The following PCDH15 variants were observed in gnomAD, a reference collection of about 807,000 sequenced individuals.
The protein encoded by PCDH15 is protocadherin-15.
PCDH15 carries 129 observed loss-of-function variants against 178.5 expected under a neutral mutation model. The ratio of observed to expected loss-of-function variants is 0.72; its 90% CI spans 0.63 to 0.84. The LOEUF (loss-of-function observed/expected upper bound fraction) is 0.84. Among genes scored for constraint, PCDH15 ranks in the 40% least tolerant of loss-of-function variants. The pLI, the probability that PCDH15 is intolerant of heterozygous loss-of-function variation, is 0.00. For synonymous variants in PCDH15, 800 were observed against 732.0 expected (o/e 1.09, Z -1.50); for missense variants, 2,230 against 2,099.9 (o/e 1.06, Z -1.21).
chr10:53,889,841 G>A (rs1008316714), intron 26 of PCDH15, among the ~76,000 whole-genome samples: 5 of 152,058 alleles, frequency 3.3e-5, no homozygotes, highest in African/African-American at 1.2e-4. Context: ...TAACATAGAT[G>A]AATCTCACAA....
intron 24 of PCDH15, among the ~76,000 whole-genome samples, chr10:53,940,154 T>G (rs748936685): frequency 2.0e-5 from 3 of 151,922 alleles, no homozygotes; most frequent in Non-Finnish European, 4.4e-5. Flanking sequence ...GTATATTAAC[T>G]ATTTCCTGAC....
chr10:54,523,549 C>T (rs2083091527), intron 3 of PCDH15, among the ~76,000 whole-genome samples: 1 of 152,072 alleles, frequency 6.6e-6, no homozygotes, highest in South Asian at 2.1e-4. Flanking sequence ...TTCTTTAAAT[C>T]ACATGACATA....
chr10:54,992,647 C>T lies in PCDH15; in HGVS notation c.-79-95147G>A, dbSNP rs546472624. ...GCAGGCGCTTGTAGTCCCAGCTACT[C>T]GGGAGGCTGAGGCAGGAGAATGGCA... On this transcript the variant is annotated intron_variant, in intron 2 of 5. Transcript: ENST00000458638. Among the ~76,000 whole-genome samples, 18 of 151,238 alleles carry T rather than the reference C, an allele frequency of 1.2e-4. No homozygotes were observed. In the East Asian group the frequency reaches 3.3e-3, roughly 28 times the overall value.
chr10:55,580,399 C>G (rs1172761019), intron 2 of PCDH15, among the ~76,000 whole-genome samples: 1 of 149,318 alleles, frequency 6.7e-6, no homozygotes, highest in East Asian at 2.0e-4. Context: ...ATTCTGTTGC[C>G]CAGGCTGGAG....
At chr10:54,190,076 AC>A (rs886816499) in intron 11 of PCDH15, among the ~76,000 whole-genome samples, 39 of 152,156 alleles carry the variant, frequency 2.6e-4, no homozygotes, top group African/African-American at 8.9e-4. Flanking sequence ...CTTAAAATCT[AC>A]ACTGTGAATA....
chr10:54,449,030 T>C (rs1251074846), intron 3 of PCDH15, among the ~76,000 whole-genome samples: 1 of 151,696 alleles, frequency 6.6e-6, no homozygotes, highest in East Asian at 1.9e-4. Context: ...TTTTTCCCCA[T>C]ATCTAGGCAA....
intron 2 of PCDH15, among the ~76,000 whole-genome samples, chr10:55,439,941 A>G (rs1254223766): frequency 2.0e-5 from 3 of 152,200 alleles, no homozygotes; most frequent in African/African-American, 4.8e-5. Context: ...AATTCAGTGT[A>G]TATATAATAC....
At chr10:53,821,804 C>G in intron 32 of PCDH15, 1 of 1,605,678 alleles carries the variant, frequency 6.2e-7, no homozygotes, top group South Asian at 1.1e-5. Context: ...TGATGTTCAA[C>G]TTGAAGACTA....
At chr10:55,150,892 A>T (rs1000219307) in intron 2 of PCDH15, among the ~76,000 whole-genome samples, 3 of 152,250 alleles carry the variant, frequency 2.0e-5, no homozygotes, top group Admixed American at 6.6e-5. Context: ...TAATACTAAA[A>T]TAAGAAAATT....
intron 1 of PCDH15, among the ~76,000 whole-genome samples, chr10:54,724,838 T>C (rs187294633): frequency 1.3e-5 from 2 of 151,132 alleles, no homozygotes; most frequent in African/African-American, 4.8e-5. Context: ...ATTTGTTACA[T>C]TATTATATTG....
intron 2 of PCDH15, among the ~76,000 whole-genome samples, chr10:54,643,060 T>C (rs2094029705): frequency 6.6e-6 from 1 of 152,056 alleles, no homozygotes; most frequent in Non-Finnish European, 1.5e-5. Flanking sequence ...GTAGCTGGGA[T>C]TACAGGTGCC....
chr10:55,483,682 G>T (rs61851175), intron 2 of PCDH15, among the ~76,000 whole-genome samples: 18,666 of 151,522 alleles, frequency 0.12, 1,222 homozygotes, highest in Middle Eastern at 0.2. Context: ...ATACTGTGGT[G>T]GTGTGTGTCT....
At chr10:54,053,363 A>G (rs112215165) in intron 18 of PCDH15, among the ~76,000 whole-genome samples, 2 of 152,184 alleles carry the variant, frequency 1.3e-5, no homozygotes, top group African/African-American at 4.8e-5. Context: ...ATGTATGTAC[A>G]TACATTATGC....
chr10:54,292,761 G>A lies in PCDH15; in HGVS notation c.876+24510C>T, dbSNP rs192269744. On this transcript the variant is annotated intron_variant, in intron 8 of 37. Coordinates refer to ENST00000644397, the MANE Select transcript of PCDH15 (RefSeq NM_001384140.1). ...AATACCTAGGAATCCAACATACAAG[G>A]GATGTGAGGGACCTTTTCAAGGAGA... 1.1e-4 allele frequency among the ~76,000 whole-genome samples: 16 copies of A among 152,146 alleles called. No homozygotes were observed. The East Asian group carries it at 3.1e-3, about 29-fold the overall frequency.
chr10:53,986,331 C>A (rs1047611609), intron 21 of PCDH15, among the ~76,000 whole-genome samples: 5 of 151,992 alleles, frequency 3.3e-5, no homozygotes, highest in Non-Finnish European at 7.4e-5. Context: ...TTAAAGTTAG[C>A]AAGAATGTGA....
chr10:55,545,645 A>C (rs1033856232), intron 2 of PCDH15, among the ~76,000 whole-genome samples: 7 of 152,050 alleles, frequency 4.6e-5, no homozygotes, highest in Non-Finnish European at 1.0e-4. Flanking sequence ...TCCTGACCTC[A>C]GGTGATCCGC....
intron 26 of PCDH15, among the ~76,000 whole-genome samples, chr10:53,871,957 C>T (rs887966241): frequency 1.3e-5 from 2 of 152,040 alleles, no homozygotes; most frequent in South Asian, 2.1e-4. Context: ...ACCAGCCTGA[C>T]CAATATGGAG....
At chr10:53,925,154 A>C (rs2084398152) in intron 25 of PCDH15, among the ~76,000 whole-genome samples, 1 of 152,094 alleles carries the variant, frequency 6.6e-6, no homozygotes, top group African/African-American at 2.4e-5. Flanking sequence ...CACTCTTTGG[A>C]ATAAATCTTG....
chr10:54,114,101 T>G (rs551954205), intron 15 of PCDH15, among the ~76,000 whole-genome samples: 112 of 152,314 alleles, frequency 7.4e-4, no homozygotes, highest in African/African-American at 2.7e-3. Context: ...AAGGTGAGAT[T>G]TGGGTGGGGA....
Sources: gnomAD v4.1 joint callset for allele counts (sites outside exome capture counted in the v4.1 genomes callset) on GRCh38, gnomAD v4.1.1 for gene constraint, MANE v1.5 for transcripts, NCBI Gene and HGNC (gene_info 2026-07-23, HGNC 2026-07-21) for gene names.